ENAH: variants seen among roughly 807,000 people sequenced by gnomAD.
The protein encoded by ENAH is protein enabled homolog.
A neutral mutation model predicts 78.7 loss-of-function variants in ENAH; 23 were observed. That is an observed-to-expected ratio of 0.29 (90% confidence interval 0.21 to 0.41). The LOEUF is 0.41. Ranked by LOEUF, ENAH falls within the 10% of genes least tolerant of loss-of-function variation. ENAH has a pLI of 1.00. For synonymous variants in ENAH, 226 were observed against 241.0 expected (o/e 0.94, Z 0.58); for missense variants, 544 against 691.0 (o/e 0.79, Z 2.39).
intron 1 of ENAH, among the ~76,000 whole-genome samples, chr1:225,615,144 C>T (rs1275825792): frequency 3.3e-5 from 5 of 152,164 alleles, no homozygotes; most frequent in Non-Finnish European, 7.3e-5. Context: ...ACCTCCCTGC[C>T]TGATTCTCCT....
chr1:225,561,934 C>T (rs1033312491), intron 2 of ENAH, among the ~76,000 whole-genome samples: 2 of 152,248 alleles, frequency 1.3e-5, no homozygotes, highest in Admixed American at 6.5e-5. Context: ...TCTCAACAAA[C>T]TGATGATGCT....
rs370555261 is a variant in ENAH at position 225,563,950 on chromosome 1, A to G, written c.171+3299T>C. ...GATTGTAGGTCTATCACGTTTTCCT[A>G]CTCTTCAGTTTTAGAAAGTTACGTT... is the stretch of plus-strand genomic sequence containing the variant. On this transcript the variant is annotated intron_variant, in intron 2 of 13. Transcript: ENST00000366843. Among the ~76,000 whole-genome samples, 45 of 152,112 alleles carry G rather than the reference A, an allele frequency of 3.0e-4. 1 individual carries two copies. In the South Asian group the frequency reaches 8.7e-3, roughly 29 times the overall value.
chr1:225,583,449 AAAAAG>A (rs1324007982), intron 1 of ENAH, among the ~76,000 whole-genome samples: 5 of 151,374 alleles, frequency 3.3e-5, no homozygotes, highest in African/African-American at 1.2e-4. Context: ...AAAAAAAAAA[AAAAAG>A]AGAGAGAGAA....
intron 1 of ENAH, among the ~76,000 whole-genome samples, chr1:225,597,466 C>T (rs1318786892): frequency 6.6e-6 from 1 of 151,972 alleles, no homozygotes; most frequent in East Asian, 1.9e-4. Flanking sequence ...TCAAGACCAG[C>T]TTGAGTAACA....
intron 4 of ENAH, chr1:225,524,601 G>A: frequency 9.1e-6 from 9 of 985,406 alleles, no homozygotes; most frequent in Non-Finnish European, 1.1e-5. Flanking sequence ...ATACTCACAA[G>A]AGAAGGCGGT....
rs2096403586 is a variant in ENAH, at chr1:225,514,683, G to T, written c.1131C>A (p.Phe377Leu). 6.5e-7 allele frequency: 1 copy of T among 1,550,380 alleles called. No homozygotes were observed. Among genetic ancestry groups the T allele is most frequent in the East Asian group, 2.5e-5 (1 of 40,178 alleles). ...TGTCTTCTGACATGGATGCCAAAAAGAATCCAGATGCAGGGAGGGGTGGGG... is the reference window on the plus strand; with the variant it reads ...TGTCTTCTGACATGGATGCCAAAAATAATCCAGATGCAGGGAGGGGTGGGG... ...PPAPPLPASG[F>L]FLASMSEDNR... The change falls in exon 7 of 14, where the codon TTC becomes TTA. Residue 377 changes from phenylalanine to leucine, a missense_variant. By Grantham distance (22) the Phe-to-Leu change is conservative. Around this residue, in one of 4 missense-constraint regions of ENAH, gnomAD observed 366 missense variants for 396.1 expected, o/e 0.92. Coordinates refer to ENST00000366843, the MANE Select transcript of ENAH (RefSeq NM_018212.6).
intron 1 of ENAH, among the ~76,000 whole-genome samples, chr1:225,585,679 C>T (rs762379652): frequency 3.9e-5 from 6 of 152,094 alleles, no homozygotes; most frequent in Admixed American, 6.6e-5. Flanking sequence ...GTCCCAGCTA[C>T]CCAGAAAGCT....
chr1:225,539,705 T>C (rs1472687491), intron 3 of ENAH, among the ~76,000 whole-genome samples: 1 of 152,200 alleles, frequency 6.6e-6, no homozygotes, highest in Non-Finnish European at 1.5e-5. Flanking sequence ...TCCTACTCTA[T>C]TGCTCTCTAG....
intron 6 of ENAH, 76 bp from the exon 7 acceptor site, chr1:225,514,976 G>A (rs1368692095): frequency 2.5e-6 from 3 of 1,198,590 alleles, no homozygotes; most frequent in East Asian, 2.4e-5. Flanking sequence ...AAGGTACGCA[G>A]AATGCCATGC....
intron 3 of ENAH, among the ~76,000 whole-genome samples, chr1:225,538,002 G>A (rs2096570302): frequency 6.6e-6 from 1 of 152,020 alleles, no homozygotes; most frequent in Admixed American, 6.6e-5. Context: ...TAGTCCCAAG[G>A]CAATTGATAA....
At chr1:225,522,195 C>G (rs1163196754) in intron 4 of ENAH, among the ~76,000 whole-genome samples, 1 of 152,210 alleles carries the variant, frequency 6.6e-6, no homozygotes, top group Admixed American at 6.5e-5. Context: ...ACAGCACATG[C>G]ATGCTATCCC....
intron 1 of ENAH, among the ~76,000 whole-genome samples, chr1:225,582,702 G>A (rs187388847): frequency 6.6e-6 from 1 of 152,284 alleles, no homozygotes; most frequent in Admixed American, 6.5e-5. Context: ...GTGTAGGGCA[G>A]TTTCCAAGTA....
intron 1 of ENAH, among the ~76,000 whole-genome samples, chr1:225,643,689 G>A (rs2148467834): frequency 6.6e-6 from 1 of 152,262 alleles, no homozygotes; most frequent in South Asian, 2.1e-4. Context: ...TAATCCGAGT[G>A]CTTTGGGAGG....
At chr1:225,522,370 C>T (rs1033939498) in intron 4 of ENAH, among the ~76,000 whole-genome samples, 1 of 152,200 alleles carries the variant, frequency 6.6e-6, no homozygotes, top group African/African-American at 2.4e-5. Context: ...CATACCATCA[C>T]ACTTAACAAT....
Position 225,652,867 on chromosome 1 carries a change from C to T in ENAH, c.-177G>A. ...TCCTCGCACAAAGCCGAGGCGCCGGCCGGGAGTGTGGGAGAAGAGGGCGAG... is the reference window on the plus strand; with the variant it reads ...TCCTCGCACAAAGCCGAGGCGCCGGTCGGGAGTGTGGGAGAAGAGGGCGAG... On this transcript the variant is annotated 5_prime_UTR_variant, in exon 1 of 14. Transcript: ENST00000366843. 2.3e-6 allele frequency: 1 copy of T among 426,502 alleles called. No individual in the cohort carries two copies. Among genetic ancestry groups the T allele is most frequent in the Non-Finnish European group, 4.0e-6 (1 of 252,120 alleles). The allele number at this position is 426,502 out of a possible 1,614,324, so 26.4% of individuals were successfully genotyped here.
intron 1 of ENAH, among the ~76,000 whole-genome samples, chr1:225,601,604 C>A (rs957426621): frequency 6.6e-6 from 1 of 151,996 alleles, no homozygotes; most frequent in African/African-American, 2.4e-5. Context: ...ACCTACACTT[C>A]CTTAGGTCAA....
intron 3 of ENAH, among the ~76,000 whole-genome samples, chr1:225,539,978 G>A (rs2096581667): frequency 6.6e-6 from 1 of 151,978 alleles, no homozygotes; most frequent in South Asian, 2.1e-4. Flanking sequence ...GCTTTTTTCT[G>A]ATTAGCCACT....
At chr1:225,555,198 A>C (rs2096660118) in intron 2 of ENAH, 115 bp from the exon 3 acceptor site, 1 of 830,818 alleles carries the variant, frequency 1.2e-6, no homozygotes, top group Non-Finnish European at 1.7e-6. Flanking sequence ...CCTTGGCAAA[A>C]ATTGCTTAAA....
intron 1 of ENAH, among the ~76,000 whole-genome samples, chr1:225,650,933 CAACTGAT>C (rs1029729363): frequency 8.1e-6 from 1 of 123,938 alleles, no homozygotes; most frequent in Non-Finnish European, 1.6e-5. Context: ...AAGTTTGAAA[CAACTGAT>C]AACTTCTGGT....
Sources: gnomAD v4.1 joint callset for allele counts (sites outside exome capture counted in the v4.1 genomes callset) on GRCh38, gnomAD v4.1.1 for gene constraint, gnomAD v4.1.1 regional missense constraint, MANE v1.5 for transcripts, NCBI Gene and HGNC (gene_info 2026-07-23, HGNC 2026-07-21) for gene names.